RNF6: variants seen among roughly 807,000 people sequenced by gnomAD.
The protein encoded by RNF6 is ring finger protein 6.
A neutral mutation model predicts 50.1 loss-of-function variants in RNF6; 21 were observed. The ratio of observed to expected loss-of-function variants is 0.42; its 90% CI spans 0.30 to 0.60. RNF6 has a LOEUF of 0.60. Among genes scored for constraint, RNF6 ranks in the 20% least tolerant of loss-of-function variants. The pLI, the probability that RNF6 is intolerant of heterozygous loss-of-function variation, is 0.20. For synonymous variants in RNF6, 255 were observed against 291.8 expected (o/e 0.87, Z 1.29); for missense variants, 698 against 838.2 (o/e 0.83, Z 2.07).
chr13:26,159,907 C>T (rs1005189030), intron 5 of RNF6, among the ~76,000 whole-genome samples: 5 of 152,058 alleles, frequency 3.3e-5, no homozygotes, highest in East Asian at 1.9e-4. Context: ...TTTTTACTAA[C>T]CATGCTTCAA....
At chr13:26,174,492 A>AAT (rs770309033) in intron 5 of RNF6, among the ~76,000 whole-genome samples, 18 of 92,054 alleles carry the variant, frequency 2.0e-4, no homozygotes, top group Non-Finnish European at 4.9e-4. Context: ...CTCTACTAAA[A>AAT]ATACAAAAAA....
Position 26,215,527 on chromosome 13 carries a change from G to A in RNF6, c.355C>T (p.Arg119Cys), listed in dbSNP as rs1869785224. The A allele has an allele frequency of 6.2e-7, 1 of 1,612,984 alleles. No homozygotes were observed. ...CCACTTCGAGTTGCATTTCCTGTGC[G>A]CCGAAAGGTGTTCAACCATTCTAGA... ...SLLEWLNTFRRTGNATRSGQN... is the reference protein window; with the variant it reads ...SLLEWLNTFRCTGNATRSGQN... The change falls in exon 5 of 5, where the codon CGC (arginine) becomes TGC (cysteine). Residue 119 changes from arginine to cysteine, a missense_variant. Arg to Cys is a radical substitution (Grantham distance 180). Transcript: ENST00000381588.
At chr13:26,150,348 G>A (rs1164806328) in intron 5 of RNF6, among the ~76,000 whole-genome samples, 2 of 152,008 alleles carry the variant, frequency 1.3e-5, no homozygotes, top group South Asian at 2.1e-4. Context: ...GATAGCTAGC[G>A]ATTTTACAAA....
chr13:26,171,214 C>T (rs998555616), intron 5 of RNF6, among the ~76,000 whole-genome samples: 6 of 151,934 alleles, frequency 3.9e-5, no homozygotes, highest in African/African-American at 9.7e-5. Flanking sequence ...CAATCCAATT[C>T]AAAAATGGGG....
At chr13:26,172,373 A>C (rs1057352217) in intron 5 of RNF6, among the ~76,000 whole-genome samples, 3 of 152,224 alleles carry the variant, frequency 2.0e-5, no homozygotes, top group African/African-American at 7.2e-5. Context: ...AAAAATTCAA[A>C]AGAAAACATT....
At chr13:26,219,916 G>A (rs1302526000) in intron 2 of RNF6, among the ~76,000 whole-genome samples, 1 of 152,144 alleles carries the variant, frequency 6.6e-6, no homozygotes, top group African/African-American at 2.4e-5. Flanking sequence ...ACCACACAAT[G>A]CTCATGCCTG....
At chr13:26,187,068 C>T (rs1873585438) in intron 5 of RNF6, among the ~76,000 whole-genome samples, 1 of 151,784 alleles carries the variant, frequency 6.6e-6, no homozygotes, top group African/African-American at 2.4e-5. Context: ...TGAGCCACCG[C>T]GCCCGGCAAG....
At position 26,215,093 on chromosome 13, in the gene RNF6, A is replaced by G. The variant is rs748659136; in HGVS notation, c.789T>C (p.Gly263=). ...TNFSSHTNQS[G]GSELRQREGQ... ...CCTCCCTTTGCCTGAGTTCACTACC[A>G]CCTGATTGGTTTGTGTGACTACTGA... is the stretch of plus-strand genomic sequence containing the variant. The change falls in exon 5 of 5, where the codon GGT becomes GGC. Residue 263 remains glycine (G), a synonymous_variant. Transcript: ENST00000381588. 1 of 1,613,988 alleles carries G rather than the reference A, an allele frequency of 6.2e-7. No individual in the cohort carries two copies. Among genetic ancestry groups the G allele is most frequent in the Non-Finnish European group, 8.5e-7 (1 of 1,180,032 alleles).
chr13:26,159,203 T>C (rs1220313396), intron 5 of RNF6, among the ~76,000 whole-genome samples: 1 of 152,194 alleles, frequency 6.6e-6, no homozygotes, highest in Non-Finnish European at 1.5e-5. Context: ...GGACATTATA[T>C]TGCCTTTGAG....
chr13:26,170,948 A>T (rs569035224), intron 5 of RNF6, among the ~76,000 whole-genome samples: 74 of 152,292 alleles, frequency 4.9e-4, no homozygotes, highest in African/African-American at 1.8e-3. Flanking sequence ...AAAAGCAAAG[A>T]CTATCAAAGT....
intron 5 of RNF6, among the ~76,000 whole-genome samples, chr13:26,148,414 C>T (rs1220181150): frequency 6.6e-6 from 1 of 151,576 alleles, no homozygotes. Flanking sequence ...ATTTCTATGG[C>T]CAGATCACAC....
At chr13:26,147,063 C>A (rs1871287868) in intron 5 of RNF6, among the ~76,000 whole-genome samples, 1 of 152,178 alleles carries the variant, frequency 6.6e-6, no homozygotes, top group Admixed American at 6.5e-5. Context: ...GTCTTTACAC[C>A]AATGTGAGAA....
intron 4 of RNF6, among the ~76,000 whole-genome samples, chr13:26,217,141 T>C (rs1325390070): frequency 6.6e-6 from 1 of 152,208 alleles, no homozygotes; most frequent in Non-Finnish European, 1.5e-5. Context: ...ATTTTATATT[T>C]GATGAGTACA....
chr13:26,157,224 T>C (rs1871974097), intron 5 of RNF6, among the ~76,000 whole-genome samples: 1 of 152,158 alleles, frequency 6.6e-6, no homozygotes, highest in South Asian at 2.1e-4. Context: ...TTAAATGATA[T>C]GTAAATTTTA....
chr13:26,217,542 T>C (rs866215902), intron 4 of RNF6, among the ~76,000 whole-genome samples: 1 of 152,228 alleles, frequency 6.6e-6, no homozygotes, highest in African/African-American at 2.4e-5. Flanking sequence ...GTGGACCTCC[T>C]TCCTACCAGC....
At chr13:26,212,612 A>G (rs2137734969), downstream of RNF6, 1 of 151,288 alleles carries the variant, frequency 6.6e-6, no homozygotes, top group African/African-American at 2.4e-5. Context: ...ATTGATATTC[A>G]GTTTCTAAGA....
At chr13:26,198,714 A>G (rs190351403) in intron 5 of RNF6, among the ~76,000 whole-genome samples, 2 of 152,174 alleles carry the variant, frequency 1.3e-5, no homozygotes, top group East Asian at 1.9e-4. Context: ...CTTGATTTGC[A>G]TATAGCATTC....
chr13:26,147,169 A>G (rs1871293751), intron 5 of RNF6, among the ~76,000 whole-genome samples: 1 of 152,120 alleles, frequency 6.6e-6, no homozygotes, highest in Admixed American at 6.6e-5. Context: ...ATTCCCACAC[A>G]TGTTCCCCAG....
At chr13:26,160,551 T>C (rs1346673938) in intron 5 of RNF6, among the ~76,000 whole-genome samples, 46 of 146,554 alleles carry the variant, frequency 3.1e-4, no homozygotes, top group African/African-American at 1.2e-3. Flanking sequence ...CTTCTTTTTT[T>C]TTTTTTTTTT....
Sources: allele counts gnomAD v4.1 joint callset (sites outside exome capture counted in the v4.1 genomes callset), GRCh38; gene constraint gnomAD v4.1.1; transcripts MANE v1.5; gene names NCBI Gene and HGNC (gene_info 2026-07-23, HGNC 2026-07-21).